The following SLC25A48 variants were observed in gnomAD, a reference collection of about 807,000 sequenced individuals.
SLC25A48 encodes the protein solute carrier family 25 member 48.
Under a neutral mutation model 32.2 loss-of-function variants are expected in SLC25A48, and 29 were observed. The ratio of observed to expected loss-of-function variants is 0.90; its 90% CI spans 0.67 to 1.23. The LOEUF (loss-of-function observed/expected upper bound fraction) is 1.23. Among genes scored for constraint, SLC25A48 ranks in the 50% most tolerant of loss-of-function variants. The probability of loss-of-function intolerance (pLI) is 0.00; values close to 1 mark genes in which losing one functional copy is unlikely to be tolerated. For missense variants in SLC25A48, 399 were observed against 422.7 expected, an observed-to-expected ratio of 0.94 and a Z score of 0.49; for synonymous variants, 164 against 172.3, an observed-to-expected ratio of 0.95 and a Z score of 0.38.
At chr5:135,625,772 C>T (rs1752428523) in intron 1 of SLC25A48, among the ~76,000 whole-genome samples, 2 of 152,120 alleles carry the variant, frequency 1.3e-5, no homozygotes, top group Non-Finnish European at 2.9e-5. Flanking sequence ...ATGCAGGAGA[C>T]AAACCACCCT....
chr5:135,850,723 G>A (rs915971748), intron 3 of SLC25A48, among the ~76,000 whole-genome samples: 2 of 152,346 alleles, frequency 1.3e-5, no homozygotes, highest in South Asian at 4.1e-4. Flanking sequence ...CCAGTTGTGT[G>A]TAACCTCTGT....
At chr5:135,669,641 C>G (rs945015513) in intron 3 of SLC25A48, among the ~76,000 whole-genome samples, 1 of 152,110 alleles carries the variant, frequency 6.6e-6, no homozygotes, top group Non-Finnish European at 1.5e-5. Flanking sequence ...CTTCTAAGAG[C>G]CTTAACTCTC....
At chr5:135,872,967 A>G (rs1682639014) in intron 5 of SLC25A48, among the ~76,000 whole-genome samples, 2 of 152,160 alleles carry the variant, frequency 1.3e-5, no homozygotes, top group African/African-American at 2.4e-5. Flanking sequence ...GGCAGAGAGG[A>G]CGGCAAGGCC....
intron 3 of SLC25A48, among the ~76,000 whole-genome samples, chr5:135,751,576 G>A (rs771210202): frequency 3.9e-5 from 6 of 152,198 alleles, no homozygotes; most frequent in Non-Finnish European, 5.9e-5. Context: ...GCTCACACCT[G>A]TAATCCCAGC....
chr5:135,864,797 T>A (rs1459007570), intron 4 of SLC25A48, among the ~76,000 whole-genome samples: 2 of 152,240 alleles, frequency 1.3e-5, no homozygotes, highest in Non-Finnish European at 2.9e-5. Flanking sequence ...CGTACATTGG[T>A]GACACATGGT....
At chr5:135,652,206 A>G (rs562550793) in intron 3 of SLC25A48, 17 of 374,876 alleles carry the variant, frequency 4.5e-5, no homozygotes, top group South Asian at 3.2e-4. Flanking sequence ...AGCAGAGACT[A>G]AACACTGAGC....
chr5:135,869,127 A>G (rs1761448689), intron 4 of SLC25A48, among the ~76,000 whole-genome samples: 1 of 152,106 alleles, frequency 6.6e-6, no homozygotes. Flanking sequence ...TCTTTATACT[A>G]TTTTGCTTTT....
intron 3 of SLC25A48, among the ~76,000 whole-genome samples, chr5:135,637,714 G>T (rs116244841): frequency 4.6e-5 from 7 of 152,320 alleles, no homozygotes; most frequent in African/African-American, 1.7e-4. Flanking sequence ...TACAAGGTGG[G>T]TTAGGGGGCT....
intron 3 of SLC25A48, among the ~76,000 whole-genome samples, chr5:135,733,196 A>G (rs1449373928): frequency 6.6e-6 from 1 of 152,196 alleles, no homozygotes; most frequent in Non-Finnish European, 1.5e-5. Context: ...AGTAGCCTCA[A>G]TGATAGGTGT....
chr5:135,756,777 T>C (rs1003621916), intron 3 of SLC25A48, among the ~76,000 whole-genome samples: 1 of 151,940 alleles, frequency 6.6e-6, no homozygotes, highest in Admixed American at 6.6e-5. Context: ...ATTTATAATA[T>C]CTAGTGTTAA....
chr5:135,735,275 T>C lies in SLC25A48; in HGVS notation c.-520-77248T>C, dbSNP rs1339905185. ...AAGTAATTGTAACTTTTCTCTATTATTGTACAACTTGAAGGTGAGGTTGAT... is the reference window on the plus strand; with the variant it reads ...AAGTAATTGTAACTTTTCTCTATTACTGTACAACTTGAAGGTGAGGTTGAT... On this transcript the variant is annotated intron_variant, in intron 3 of 10. Transcript: ENST00000646290. 2.0e-5 allele frequency among the ~76,000 whole-genome samples: 3 copies of C among 152,220 alleles called. No individual in the cohort carries two copies. The East Asian group carries it at 5.8e-4, about 29-fold the overall frequency.
chr5:135,879,609 AGAGT>A (rs1200052696), intron 6 of SLC25A48, among the ~76,000 whole-genome samples: 322 of 127,110 alleles, frequency 2.5e-3, no homozygotes, highest in Admixed American at 4.8e-3. Flanking sequence ...AGAGAGAGAG[AGAGT>A]GTGTGTGTGT....
chr5:135,684,276 A>G (rs1415173375), intron 3 of SLC25A48, among the ~76,000 whole-genome samples: 1 of 151,996 alleles, frequency 6.6e-6, no homozygotes, highest in East Asian at 1.9e-4. Flanking sequence ...TCAGTGTGCA[A>G]TTCTTTAATT....
chr5:135,812,599 G>A (rs1027547180), exon 4 of SLC25A48: 1 of 152,280 alleles, frequency 6.6e-6, no homozygotes, highest in African/African-American at 2.4e-5. Flanking sequence ...TCTCCAATGT[G>A]TCTGGCCCTG....
chr5:135,860,258 C>A (rs561268339), intron 4 of SLC25A48, among the ~76,000 whole-genome samples: 15 of 152,314 alleles, frequency 9.8e-5, no homozygotes, highest in African/African-American at 3.4e-4. Flanking sequence ...GGAAGTGAAT[C>A]CTCTCCCATT....
chr5:135,765,112 C>T (rs1051599658), intron 3 of SLC25A48, among the ~76,000 whole-genome samples: 2 of 151,272 alleles, frequency 1.3e-5, no homozygotes, highest in Admixed American at 6.6e-5. Flanking sequence ...GAGGGGCATA[C>T]ACCCCTTTGT....
At chr5:135,746,148 G>A (rs930718079) in intron 3 of SLC25A48, 1 of 158,290 alleles carries the variant, frequency 6.3e-6, no homozygotes, top group Admixed American at 6.5e-5. Flanking sequence ...ATACCTTCTA[G>A]CCCGTACCCA....
intron 2 of SLC25A48, among the ~76,000 whole-genome samples, chr5:135,633,879 A>T (rs1178223205): frequency 6.6e-6 from 1 of 152,176 alleles, no homozygotes; most frequent in Middle Eastern, 3.2e-3. Context: ...GTGATCTTTA[A>T]ATTTTTTTTA....
chr5:135,846,690 T>G (rs763404667), intron 2 of SLC25A48, among the ~76,000 whole-genome samples: 1 of 152,122 alleles, frequency 6.6e-6, no homozygotes, highest in Non-Finnish European at 1.5e-5. Flanking sequence ...GGGCTAAATA[T>G]TGCATGAAGG....
Sources: allele counts gnomAD v4.1 joint callset (sites outside exome capture counted in the v4.1 genomes callset), GRCh38; gene constraint gnomAD v4.1.1; transcripts MANE v1.5; gene names NCBI Gene and HGNC (gene_info 2026-07-23, HGNC 2026-07-21).